The following CHDH variants were observed in gnomAD, a reference collection of about 807,000 sequenced individuals.
CHDH encodes choline dehydrogenase, mitochondrial.
Under a neutral mutation model 56.9 loss-of-function variants are expected in CHDH, and 43 were observed. That is an observed-to-expected ratio of 0.76 (90% CI 0.59 to 0.97). The LOEUF is 0.97. Among genes scored for constraint, CHDH ranks in the 50% least tolerant of loss-of-function variants. The probability of loss-of-function intolerance (pLI) is 0.00; values close to 1 mark genes in which losing one functional copy is unlikely to be tolerated. For missense variants in CHDH, 816 were observed against 821.1 expected, an observed-to-expected ratio of 0.99 and a Z score of 0.08; for synonymous variants, 364 against 348.5, an observed-to-expected ratio of 1.04 and a Z score of -0.50.
chr3:53,824,113 A>C (rs185324882), intron 2 of CHDH, 46 bp from the exon 3 acceptor site: 1 of 1,145,962 alleles, frequency 8.7e-7, no homozygotes, highest in African/African-American at 1.6e-5. Flanking sequence ...CCGCATATCC[A>C]GGGTATGCTC....
chr3:53,827,977 C>T (rs541223865), intron 2 of CHDH, among the ~76,000 whole-genome samples: 1 of 152,260 alleles, frequency 6.6e-6, no homozygotes, highest in East Asian at 1.9e-4. Flanking sequence ...CACTAACCAA[C>T]TTCAAGATTT....
At chr3:53,842,856 C>T (rs1161763435) in intron 1 of CHDH, among the ~76,000 whole-genome samples, 3 of 152,154 alleles carry the variant, frequency 2.0e-5, no homozygotes, top group Admixed American at 1.3e-4. Context: ...GAGGGAGCAC[C>T]GAGGCCAGGA....
At chr3:53,821,798 C>A in intron 4 of CHDH, 22 bp from the exon 5 acceptor site, 1 of 1,611,916 alleles carries the variant, frequency 6.2e-7, no homozygotes, top group South Asian at 1.1e-5. Context: ...CCAGCCAGGT[C>A]ACTCCCTGAA....
chr3:53,816,131 A>ACCCCCC lies in CHDH; in HGVS notation c.*1645_*1646insGGGGGG, dbSNP rs202031062. The ACCCCCC allele has an allele frequency of 5.7e-5, 5 of 86,964 alleles. No individual in the cohort carries two copies. The highest frequency in any genetic ancestry group is 2.8e-4 in the African/African-American group (4 of 14,278). The allele number at this position is 86,964 out of a possible 1,614,324, so 5.4% of individuals were successfully genotyped here. A position where few individuals can be genotyped will look rare whatever the true frequency, so the allele number is the denominator to read the frequency against. ...CAGAAAACTAACTTGTGGCTGTCGG[A>ACCCCCC]CGCCCCCCCCCCCCGCCCCAGTCTG... On this transcript the variant is annotated 3_prime_UTR_variant, in exon 9 of 9. Coordinates refer to ENST00000315251, the MANE Select transcript of CHDH (RefSeq NM_018397.5).
intron 2 of CHDH, among the ~76,000 whole-genome samples, chr3:53,836,597 T>C (rs957990678): frequency 3.3e-5 from 5 of 152,226 alleles, no homozygotes; most frequent in African/African-American, 1.2e-4. Flanking sequence ...AGATGAGCTG[T>C]GGAAAGCCCA....
chr3:53,829,937 G>T (rs1698281752), intron 2 of CHDH, among the ~76,000 whole-genome samples: 1 of 152,136 alleles, frequency 6.6e-6, no homozygotes, highest in Non-Finnish European at 1.5e-5. Flanking sequence ...TTTGGGTGGT[G>T]GGGGGTTGAT....
intron 2 of CHDH, among the ~76,000 whole-genome samples, chr3:53,827,789 T>C (rs1412296217): frequency 6.6e-6 from 1 of 152,240 alleles, no homozygotes; most frequent in African/African-American, 2.4e-5. Context: ...GAAGGCTCAA[T>C]ATTGTCAAGA....
chr3:53,818,137 C>A lies in CHDH; in HGVS notation c.1425G>T (p.Gln475His), dbSNP rs769188251. The change falls in exon 9 of 9, where the codon CAG (glutamine) becomes CAT (histidine). Residue 475 changes from glutamine (Q) to histidine (H), a missense_variant. Coordinates refer to ENST00000315251, the MANE Select transcript of CHDH (RefSeq NM_018397.5). Reference protein sequence around the residue: ...CVKLTREIFAQEALAPFRGKE... With the variant: ...CVKLTREIFAHEALAPFRGKE... ...TCCCTCGGAACGGAGCCAGGGCTTC[C>A]TGTGCAAAAATTTCTCTGGTGAGCT... The A allele has an allele frequency of 7.4e-6, 12 of 1,613,340 alleles. No homozygotes were observed. Among genetic ancestry groups the A allele is most frequent in the Admixed American group, 1.7e-5 (1 of 59,812 alleles).
chr3:53,837,548 G>A (rs542127121), intron 2 of CHDH, among the ~76,000 whole-genome samples: 33 of 152,362 alleles, frequency 2.2e-4, no homozygotes, highest in African/African-American at 7.9e-4. Context: ...AGGCGTGGGC[G>A]CTGGCCTCTG....
At chr3:53,836,610 T>A (rs990486153) in intron 2 of CHDH, among the ~76,000 whole-genome samples, 2 of 152,200 alleles carry the variant, frequency 1.3e-5, no homozygotes, top group Non-Finnish European at 2.9e-5. Flanking sequence ...AAAGCCCACA[T>A]CCCTGGCTGA....
chr3:53,830,402 T>TTA (rs34884918), intron 2 of CHDH, among the ~76,000 whole-genome samples: 26,686 of 146,866 alleles, frequency 0.18, 3,658 homozygotes, highest in African/African-American at 0.38. Context: ...CTAAATGAGA[T>TTA]TATATATATA....
chr3:53,822,411 G>C, intron 4 of CHDH, 80 bp downstream of exon 4: 1 of 1,376,194 alleles, frequency 7.3e-7, no homozygotes, highest in Non-Finnish European at 1.0e-6. Context: ...GTGAGGGCGT[G>C]ACTCCTGCCC....
intron 2 of CHDH, among the ~76,000 whole-genome samples, chr3:53,832,960 T>A (rs938760574): frequency 6.6e-6 from 1 of 152,222 alleles, no homozygotes; most frequent in Non-Finnish European, 1.5e-5. Flanking sequence ...GAATTCTGGA[T>A]CTTGTTAAGT....
chr3:53,836,053 C>T (rs1698484458), intron 2 of CHDH, among the ~76,000 whole-genome samples: 1 of 152,272 alleles, frequency 6.6e-6, no homozygotes, highest in South Asian at 2.1e-4. Context: ...TGCTTTCCTA[C>T]AGCCCAGCAG....
Position 53,815,047 on chromosome 3 carries a change from T to G in CHDH, c.*2730A>C, listed in dbSNP as rs1365676391. ...TAGATGTTTGGGTGCCTACAACTCC[T>G]GCTTCAGGAACTCACCATCTCCAGT... On this transcript the variant is annotated 3_prime_UTR_variant, in exon 9 of 9. Transcript: ENST00000315251. 1 of 152,212 alleles carries G rather than the reference T, an allele frequency of 6.6e-6. No individual in the cohort carries two copies. Among genetic ancestry groups the G allele is most frequent in the African/African-American group, 2.4e-5 (1 of 41,468 alleles). 9.4% of individuals were successfully genotyped at this position (152,212 alleles called of 1,614,324 possible).
chr3:53,846,277 GGC>G lies in CHDH; in HGVS notation c.-327_-326del. On this transcript the variant is annotated 5_prime_UTR_variant, in exon 1 of 9. Transcript: ENST00000315251. ...GCGAGGCTAGCTGGGCTCCAGCGGAGGCGCGCGAAGCCCGAGGGCGGGTGCAG... is the reference window on the plus strand; with the variant it reads ...GCGAGGCTAGCTGGGCTCCAGCGGAGGCGCGAAGCCCGAGGGCGGGTGCAG... 1 of 322,962 alleles carries G rather than the reference GGC, an allele frequency of 3.1e-6. No individual in the cohort carries two copies. Among genetic ancestry groups the G allele is most frequent in the Non-Finnish European group, 5.6e-6 (1 of 178,514 alleles). 20.0% of individuals were successfully genotyped at this position (322,962 alleles called of 1,614,324 possible).
At chr3:53,829,798 C>T (rs894814352) in intron 2 of CHDH, among the ~76,000 whole-genome samples, 1 of 152,192 alleles carries the variant, frequency 6.6e-6, no homozygotes, top group African/African-American at 2.4e-5. Context: ...GAACACTCAC[C>T]TCTTCCTTCA....
intron 4 of CHDH, among the ~76,000 whole-genome samples, chr3:53,822,142 C>T (rs2095628115): frequency 6.6e-6 from 1 of 152,222 alleles, no homozygotes; most frequent in Non-Finnish European, 1.5e-5. Context: ...AAATAGAGTA[C>T]AATCACATTT....
rs772986165 is a variant in CHDH at position 53,821,766 on chromosome 3, C to T, written c.866G>A (p.Ser289Asn). The part of the protein sequence containing the change: ...KNGQSHRAYA[S>N]KEVILSGGAI... ...ACCTCCACTCAGAATCACCTCCTTG[C>T]TGGCATAAGCCTGGAAGAGGTCCAG... is the stretch of plus-strand genomic sequence containing the variant. The change falls in exon 5 of 9, where the codon AGC becomes AAC. Residue 289 changes from serine (S) to asparagine (N), a missense_variant. Coordinates refer to ENST00000315251, the MANE Select transcript of CHDH (RefSeq NM_018397.5). 1.2e-6 allele frequency: 2 copies of T among 1,613,860 alleles called. No homozygotes were observed. Among genetic ancestry groups the T allele is most frequent in the South Asian group, 1.1e-5 (1 of 91,074 alleles).
Sources: allele counts gnomAD v4.1 joint callset (sites outside exome capture counted in the v4.1 genomes callset), GRCh38; gene constraint gnomAD v4.1.1; transcripts MANE v1.5; gene names NCBI Gene and HGNC (gene_info 2026-07-23, HGNC 2026-07-21).